PTH2R: variants seen among roughly 807,000 people sequenced by gnomAD.
The protein encoded by PTH2R is PTH2 receptor.
PTH2R carries 59 observed loss-of-function variants against 60.3 expected under a neutral mutation model. The ratio of observed to expected loss-of-function variants is 0.98; its 90% CI spans 0.79 to 1.22. The LOEUF (loss-of-function observed/expected upper bound fraction) is 1.22. PTH2R is among the 50% of genes most tolerant of loss of function. The pLI is 0.00. For synonymous variants in PTH2R, 256 were observed against 243.8 expected (o/e 1.05, Z -0.47); for missense variants, 749 against 682.6 (o/e 1.10, Z -1.08).
chr2:208,418,611 A>T (rs1024586746), intron 1 of PTH2R, among the ~76,000 whole-genome samples: 1 of 152,140 alleles, frequency 6.6e-6, no homozygotes, highest in Non-Finnish European at 1.5e-5. Context: ...AAATATTATC[A>T]TAAAAATTAT....
rs1003736318 is a variant in PTH2R, at chr2:208,475,959, C to G, written c.982-5111C>G. On this transcript the variant is annotated intron_variant, in intron 9 of 12. Coordinates refer to ENST00000272847, the MANE Select transcript of PTH2R (RefSeq NM_005048.4). The stretch of plus-strand genomic sequence containing the variant: ...AGCAAGTAGGTGACTCCTGAGGAAG[C>G]TGCATACTACATAGAGTGCATTAAA... Among the ~76,000 whole-genome samples the G allele has an allele frequency of 1.7e-4, 26 of 152,248 alleles. No individual in the cohort carries two copies. The South Asian group carries it at 5.0e-3, about 29-fold the overall frequency.
At position 208,390,362 on chromosome 2, in the gene PTH2R, T is replaced by G. The variant is rs576140367; in HGVS notation, c.-259+30125T>G. On this transcript the variant is annotated intron_variant, in intron 1 of 12. Transcript: ENST00000617735. ...AAAGTGCTCCCATACCATGTCCCAT[T>G]TATGCCTGATATGTCTTGAAAGGTT... 3.3e-5 allele frequency among the ~76,000 whole-genome samples: 5 copies of G among 152,284 alleles called. No homozygotes were observed. The East Asian group carries it at 7.7e-4, about 24-fold the overall frequency.
chr2:208,448,346 GTTTTGTCTT>G (rs1040795731), intron 7 of PTH2R, among the ~76,000 whole-genome samples: 7 of 151,974 alleles, frequency 4.6e-5, no homozygotes, highest in Non-Finnish European at 8.8e-5. Context: ...TTAATTTAAA[GTTTTGTCTT>G]CACAAAACTT....
rs3820900 is a variant in PTH2R, at chr2:208,493,302, C to T, written c.1296C>T (p.Asn432=). The T allele has an allele frequency of 0.78, 1,187,616 of 1,517,838 alleles. 466,950 individuals are homozygous for T. Among genetic ancestry groups the T allele is most frequent in the African/African-American group, 0.86 (61,717 of 72,036 alleles). The allele number at this position is 1,517,838 out of a possible 1,614,324, so 94.0% of individuals were successfully genotyped here. The change falls in exon 13 of 13, where the codon AAC becomes AAT. Residue 432 remains asparagine (N), a synonymous_variant. Coordinates refer to ENST00000272847, the MANE Select transcript of PTH2R (RefSeq NM_005048.4). ...TGAAGAAGATGTGGAGTCGGTGGAA[C>T]CTCTCCGTGGACTGGAAAAGGACAC... is the stretch of plus-strand genomic sequence containing the variant. The part of the protein sequence containing the change: ...AEVKKMWSRW[N]LSVDWKRTPP...
intron 1 of PTH2R, among the ~76,000 whole-genome samples, chr2:208,419,994 A>T (rs1392089950): frequency 6.6e-6 from 1 of 152,192 alleles, no homozygotes; most frequent in Non-Finnish European, 1.5e-5. Context: ...AGGGACATGG[A>T]TGAAGCTGGA....
chr2:208,385,089 T>C (rs191154971), intron 1 of PTH2R, among the ~76,000 whole-genome samples: 2 of 152,144 alleles, frequency 1.3e-5, no homozygotes, highest in Non-Finnish European at 1.5e-5. Flanking sequence ...GGAAGAATTT[T>C]CTTTGTACTT....
chr2:208,458,698 T>G (rs891337656), intron 8 of PTH2R, among the ~76,000 whole-genome samples: 2 of 152,162 alleles, frequency 1.3e-5, no homozygotes, highest in African/African-American at 4.8e-5. Flanking sequence ...GAACACGTGG[T>G]ATTTGGTTTT....
chr2:208,371,904 T>C (rs1245752047), intron 1 of PTH2R, among the ~76,000 whole-genome samples: 2 of 152,200 alleles, frequency 1.3e-5, no homozygotes, highest in Admixed American at 6.5e-5. Flanking sequence ...AAATGCAAGA[T>C]GGAAAATCTC....
At chr2:208,468,803 A>G in intron 9 of PTH2R, among the ~76,000 whole-genome samples, 1 of 152,314 alleles carries the variant, frequency 6.6e-6, no homozygotes, top group South Asian at 2.1e-4. Flanking sequence ...TTTTTCACCG[A>G]ACTGCAAGGT....
At chr2:208,426,156 A>T (rs1265637465) in intron 1 of PTH2R, among the ~76,000 whole-genome samples, 1 of 152,210 alleles carries the variant, frequency 6.6e-6, no homozygotes, top group African/African-American at 2.4e-5. Context: ...ATTGGTATCT[A>T]TATTTATAAC....
rs1703457842 is a variant in PTH2R, at chr2:208,493,472, A to G, written c.1466A>G (p.His489Arg). The G allele has an allele frequency of 1.2e-6, 2 of 1,611,912 alleles. No individual in the cohort carries two copies. Among genetic ancestry groups the G allele is most frequent in the South Asian group, 1.1e-5 (1 of 90,704 alleles). Residue 489 changes from histidine to arginine, a missense_variant, in exon 13 of 13, where the codon CAC becomes CGC. By Grantham distance (29) the His-to-Arg change is conservative. Coordinates refer to ENST00000272847, the MANE Select transcript of PTH2R (RefSeq NM_005048.4). ...ATCGCCAGCAGACAGCCTGACAGCC[A>G]CATCACTTTACCTGGCTATGTCTGG... The part of the protein sequence containing the change: ...AKIASRQPDS[H>R]ITLPGYVWSN...
chr2:208,474,794 A>C (rs951770887), intron 9 of PTH2R, among the ~76,000 whole-genome samples: 1 of 152,242 alleles, frequency 6.6e-6, no homozygotes, highest in African/African-American at 2.4e-5. Flanking sequence ...TGGATGGAGA[A>C]GATGAACTAG....
chr2:208,491,252 G>T (rs149508702), intron 12 of PTH2R, among the ~76,000 whole-genome samples: 2 of 152,132 alleles, frequency 1.3e-5, no homozygotes, highest in African/African-American at 4.8e-5. Context: ...CTTTTATTGC[G>T]GTACACCAGC....
chr2:208,473,135 C>T (rs1229676344), intron 9 of PTH2R, among the ~76,000 whole-genome samples: 5 of 152,184 alleles, frequency 3.3e-5, no homozygotes, highest in African/African-American at 1.2e-4. Context: ...CTGAACACAT[C>T]AAGGAGAAAG....
intron 2 of PTH2R, among the ~76,000 whole-genome samples, chr2:208,432,754 G>A (rs113632550): frequency 3.3e-5 from 5 of 152,276 alleles, no homozygotes; most frequent in South Asian, 2.1e-4. Flanking sequence ...TCCAAAGGCC[G>A]AAGAACCTGG....
rs1325911367 is a variant in PTH2R at position 208,365,983 on chromosome 2, T to A, written c.-259+5746T>A. On this transcript the variant is annotated intron_variant, in intron 1 of 12. Transcript: ENST00000617735. Reference sequence around the variant, plus strand: ...ATATTTTTTTTTTTTTTTTTTTTTTTTTTTTTTTTTTTTGCAGAGACAAGG... The same window carrying A: ...ATATTTTTTTTTTTTTTTTTTTTTTATTTTTTTTTTTTTGCAGAGACAAGG... 3.1e-3 allele frequency among the ~76,000 whole-genome samples: 313 copies of A among 101,368 alleles called. 2 individuals carry two copies. The highest frequency in any genetic ancestry group is 3.9e-3 in the Non-Finnish European group (196 of 49,858). 66.5% of individuals were successfully genotyped at this position (101,368 alleles called of 152,430 possible). A position where few individuals can be genotyped will look rare whatever the true frequency, so the allele number is the denominator to read the frequency against.
At chr2:208,415,768 A>G (rs1240313328) in intron 1 of PTH2R, among the ~76,000 whole-genome samples, 1 of 152,228 alleles carries the variant, frequency 6.6e-6, no homozygotes, top group Non-Finnish European at 1.5e-5. Flanking sequence ...TTAAGATGAG[A>G]TATCACATAA....
Position 208,491,683 on chromosome 2 carries a change from C to G in PTH2R, c.1257+1003C>G, listed in dbSNP as rs148686097. ...ACAGCCCCTCCTACCCCCCGCCCCC[C>G]AAGTCTGCTTTTAGCTTCCATATCT... On this transcript the variant is annotated intron_variant, in intron 12 of 12. Coordinates refer to ENST00000272847, the MANE Select transcript of PTH2R (RefSeq NM_005048.4). 6.6e-3 allele frequency among the ~76,000 whole-genome samples: 1,005 copies of G among 152,024 alleles called. 15 individuals carry two copies. Among genetic ancestry groups the G allele is most frequent in the African/African-American group, 0.023 (933 of 41,434 alleles).
chr2:208,388,143 CG>C (rs1701040913), intron 1 of PTH2R, among the ~76,000 whole-genome samples: 1 of 148,858 alleles, frequency 6.7e-6, no homozygotes. Context: ...CCCCCCCCCC[CG>C]TCTCTACTAA....
Sources: allele counts gnomAD v4.1 joint callset (sites outside exome capture counted in the v4.1 genomes callset), GRCh38; gene constraint gnomAD v4.1.1; transcripts MANE v1.5; gene names NCBI Gene and HGNC (gene_info 2026-07-23, HGNC 2026-07-21).